Variants in PEX5L observed in about 807,000 individuals in gnomAD.
PEX5L encodes the protein peroxisomal biogenesis factor 5 like, also known as PEX5-related protein.
PEX5L carries 30 observed loss-of-function variants against 84.0 expected under a neutral mutation model. That is an observed-to-expected ratio of 0.36 (90% CI 0.27 to 0.48). The LOEUF (loss-of-function observed/expected upper bound fraction) is 0.48. PEX5L is among the 20% of genes least tolerant of loss of function. The probability of loss-of-function intolerance (pLI) is 0.99; values close to 1 mark genes in which losing one functional copy is unlikely to be tolerated. For synonymous variants in PEX5L, 270 were observed against 283.1 expected (o/e 0.95, Z 0.46); for missense variants, 533 against 754.6 (o/e 0.71, Z 3.44).
rs533804860 is a variant in PEX5L at position 179,956,480 on chromosome 3, A to G, written c.93+15114T>C. 6.6e-5 allele frequency among the ~76,000 whole-genome samples: 10 copies of G among 152,344 alleles called. No homozygotes were observed. The South Asian group carries it at 1.4e-3, about 22-fold the overall frequency. ...CTTCATACAAGTTGCTTAGACTTCA[A>G]TATGGGTTTCTAGAGTGTATTTTTT... On this transcript the variant is annotated intron_variant, in intron 2 of 14. Coordinates refer to ENST00000467460, the MANE Select transcript of PEX5L (RefSeq NM_016559.3).
chr3:179,981,889 G>GT lies in PEX5L; in HGVS notation c.22-10225dup, dbSNP rs372520802. Among the ~76,000 whole-genome samples the GT allele has an allele frequency of 1.6e-4, 25 of 152,158 alleles. 1 individual carries two copies. The East Asian group carries it at 2.5e-3, about 15-fold the overall frequency. On this transcript the variant is annotated intron_variant, in intron 1 of 14. Coordinates refer to ENST00000467460, the MANE Select transcript of PEX5L (RefSeq NM_016559.3). ...TAGAGCATCTAACAGGATTTATTGT[G>GT]TTTTTTTGGACAGCAACAACAGGAA...
In PEX5L at chr3:179,811,752, A is replaced by T; in HGVS notation, c.1154+49T>A. 2.3e-6 allele frequency: 3 copies of T among 1,293,692 alleles called. No homozygotes were observed. In the African/African-American group the frequency reaches 4.4e-5, roughly 19 times the overall value. 80.1% of individuals were successfully genotyped at this position (1,293,692 alleles called of 1,614,324 possible). A position where few individuals can be genotyped will look rare whatever the true frequency, so the allele number is the denominator to read the frequency against. ...AAGACAAATCTGAAACAGGAAGTTC[A>T]TTAACAAGTATCCACCAGGCCCATG... is the stretch of plus-strand genomic sequence containing the variant. On this transcript the variant is annotated intron_variant, in intron 11 of 14. Coordinates refer to ENST00000467460, the MANE Select transcript of PEX5L (RefSeq NM_016559.3).
chr3:179,856,984 T>G (rs1744247715), intron 8 of PEX5L, among the ~76,000 whole-genome samples: 1 of 152,262 alleles, frequency 6.6e-6, no homozygotes, highest in Non-Finnish European at 1.5e-5. Context: ...GTTAGACTGC[T>G]AAGTAATGCT....
intron 2 of PEX5L, among the ~76,000 whole-genome samples, chr3:179,951,667 A>G (rs1381282759): frequency 6.6e-6 from 1 of 152,152 alleles, no homozygotes; most frequent in African/African-American, 2.4e-5. Context: ...GAGATCTTAT[A>G]CCAACCCCAC....
At chr3:179,930,184 C>T (rs1433235132) in intron 2 of PEX5L, among the ~76,000 whole-genome samples, 1 of 152,012 alleles carries the variant, frequency 6.6e-6, no homozygotes, top group Non-Finnish European at 1.5e-5. Flanking sequence ...CTGATGCCTG[C>T]AGAAGTTTGA....
rs1258646759 is a variant in PEX5L, at chr3:180,036,893, T to C, written c.-294A>G. ...AGGCGCGGGTCCTGCTCGCGGGGCGTCTCTAGAACTCACTCCTTCTTCGCC... is the reference window on the plus strand; with the variant it reads ...AGGCGCGGGTCCTGCTCGCGGGGCGCCTCTAGAACTCACTCCTTCTTCGCC... On this transcript the variant is annotated 5_prime_UTR_variant, in exon 1 of 15. Transcript: ENST00000467460. 6.2e-6 allele frequency: 3 copies of C among 487,496 alleles called. No homozygotes were observed. Among genetic ancestry groups the C allele is most frequent in the Non-Finnish European group, 1.1e-5 (3 of 266,354 alleles). 30.2% of individuals were successfully genotyped at this position (487,496 alleles called of 1,614,324 possible). A position where few individuals can be genotyped will look rare whatever the true frequency, so the allele number is the denominator to read the frequency against.
chr3:179,925,355 GT>G (rs1169528885), intron 2 of PEX5L, among the ~76,000 whole-genome samples: 5 of 118,420 alleles, frequency 4.2e-5, no homozygotes, highest in African/African-American at 1.3e-4. Flanking sequence ...ACTGTGGTTA[GT>G]TTTTTTTATG....
intron 2 of PEX5L, among the ~76,000 whole-genome samples, chr3:179,944,735 A>T (rs6764605): frequency 0.68 from 103,659 of 152,150 alleles, 36,490 homozygotes; most frequent in African/African-American, 0.86. Flanking sequence ...ACAGTTTTCA[A>T]TTGATGTTCA....
rs552104295 is a variant in PEX5L, at chr3:179,952,264, C to A, written c.93+19330G>T. On this transcript the variant is annotated intron_variant, in intron 2 of 14. Coordinates refer to ENST00000467460, the MANE Select transcript of PEX5L (RefSeq NM_016559.3). The stretch of plus-strand genomic sequence containing the variant: ...CTTGTCTCTTTAGGAAACAATATAC[C>A]CACTGAATTTTATTTCTATTCTAGC... 5.8e-4 allele frequency among the ~76,000 whole-genome samples: 88 copies of A among 152,106 alleles called. 4 individuals are homozygous for A. In the South Asian group the frequency reaches 0.018, roughly 31 times the overall value.
chr3:179,860,101 T>C (rs1189099718), intron 7 of PEX5L, among the ~76,000 whole-genome samples: 1 of 149,244 alleles, frequency 6.7e-6, no homozygotes, highest in African/African-American at 2.5e-5. Flanking sequence ...ACAATTTACC[T>C]TGGAGAGTTT....
chr3:179,860,847 A>G (rs1745841360), intron 7 of PEX5L, among the ~76,000 whole-genome samples: 1 of 152,236 alleles, frequency 6.6e-6, no homozygotes, highest in Non-Finnish European at 1.5e-5. Flanking sequence ...ACAGCTAGTA[A>G]GTGGCAGGGC....
intron 7 of PEX5L, among the ~76,000 whole-genome samples, chr3:179,866,645 TA>T (rs1748281717): frequency 6.6e-6 from 1 of 152,178 alleles, no homozygotes; most frequent in Non-Finnish European, 1.5e-5. Flanking sequence ...GTTGGAATCT[TA>T]TACTAGAATA....
chr3:179,952,990 A>G (rs2109987637), intron 2 of PEX5L, among the ~76,000 whole-genome samples: 1 of 152,308 alleles, frequency 6.6e-6, no homozygotes, highest in East Asian at 1.9e-4. Context: ...TGACAAAAAC[A>G]AGCAATGGGG....
chr3:179,877,853 T>C (rs1318240021), intron 5 of PEX5L, among the ~76,000 whole-genome samples: 1 of 152,216 alleles, frequency 6.6e-6, no homozygotes, highest in Non-Finnish European at 1.5e-5. Flanking sequence ...TAGAGATAGT[T>C]ATAAAATTTC....
chr3:179,862,994 A>G (rs540906700), intron 7 of PEX5L, among the ~76,000 whole-genome samples: 1 of 152,348 alleles, frequency 6.6e-6, no homozygotes, highest in Admixed American at 6.5e-5. Context: ...ACAGGCATAT[A>G]GACCAATGGA....
intron 11 of PEX5L, among the ~76,000 whole-genome samples, chr3:179,811,554 T>C (rs1723868874): frequency 6.6e-6 from 1 of 152,220 alleles, no homozygotes. Context: ...TGACTGGGTT[T>C]AACACAGGCT....
In PEX5L at chr3:180,036,640, G is replaced by A; in HGVS notation, c.-41C>T. ...TCAGGGCTCCCTGAGGCCACCGGAT[G>A]CTTTTCCCCCGTGCTTACTTGCCCA... On this transcript the variant is annotated 5_prime_UTR_variant, in exon 1 of 15. Coordinates refer to ENST00000467460, the MANE Select transcript of PEX5L (RefSeq NM_016559.3). 1.2e-6 allele frequency: 2 copies of A among 1,612,632 alleles called. No homozygotes were observed. Among genetic ancestry groups the A allele is most frequent in the Non-Finnish European group, 1.7e-6 (2 of 1,178,642 alleles).
intron 1 of PEX5L, among the ~76,000 whole-genome samples, chr3:180,012,920 A>G (rs68188167): frequency 0.13 from 19,372 of 152,188 alleles, 1,363 homozygotes; most frequent in African/African-American, 0.19. Context: ...TCAAGTATTC[A>G]TAACATGGAG....
chr3:179,954,736 T>G (rs948325345), intron 2 of PEX5L, among the ~76,000 whole-genome samples: 3 of 152,166 alleles, frequency 2.0e-5, no homozygotes, highest in Non-Finnish European at 4.4e-5. Context: ...GCTGCTTGAC[T>G]AGCTATGTGA....
Sources: allele counts gnomAD v4.1 joint callset (sites outside exome capture counted in the v4.1 genomes callset), GRCh38; gene constraint gnomAD v4.1.1; transcripts MANE v1.5; gene names NCBI Gene and HGNC (gene_info 2026-07-23, HGNC 2026-07-21).